The following MADD variants were observed in gnomAD, a reference collection of about 807,000 sequenced individuals.
The protein encoded by MADD is MAP kinase-activating death domain protein.
A neutral mutation model predicts 176.7 loss-of-function variants in MADD; 109 were observed. The ratio of observed to expected loss-of-function variants is 0.62; its 90% CI spans 0.53 to 0.72. MADD has a LOEUF of 0.72. Among genes scored for constraint, MADD ranks in the 30% least tolerant of loss-of-function variants. The pLI is 0.00. For missense variants in MADD, 1,914 were observed against 2,045.5 expected (o/e 0.94, Z 1.24); for synonymous variants, 771 against 771.3 (o/e 1.00, Z 0.01).
chr11:47,294,890 A>G (rs1249373739), intron 20 of MADD, among the ~76,000 whole-genome samples: 3 of 152,184 alleles, frequency 2.0e-5, no homozygotes, highest in African/African-American at 7.2e-5. Context: ...AAAAACTGAA[A>G]GGAAATATAC....
rs1467402510 is a variant in MADD at position 47,289,834 on chromosome 11, G to A, written c.2757-33G>A. The A allele has an allele frequency of 1.9e-6, 3 of 1,609,514 alleles. No individual in the cohort carries two copies. In the East Asian group the frequency reaches 6.7e-5, roughly 36 times the overall value. ...GTGGGGGGTGCTCTGCAAAGGAGCTGATGACCACAGAAGCGGTGTGTGGAC... is the reference window on the plus strand; with the variant it reads ...GTGGGGGGTGCTCTGCAAAGGAGCTAATGACCACAGAAGCGGTGTGTGGAC... On this transcript the variant is annotated intron_variant, in intron 16 of 32. Transcript: ENST00000402192.
chr11:47,283,443 G>A (rs549610645), intron 10 of MADD, among the ~76,000 whole-genome samples: 2 of 151,462 alleles, frequency 1.3e-5, no homozygotes, highest in East Asian at 2.0e-4. Flanking sequence ...GCTCTGTCAC[G>A]CGGTCTGGAG....
rs1214211670 is a variant in MADD, at chr11:47,328,998, G to T, written c.4660-48G>T. On this transcript the variant is annotated intron_variant, in intron 32 of 32. Transcript: ENST00000402192. ...CATTGGCAGATCCTTCACATATGGA[G>T]ATGGAGGAGTCTCAGTATCGTGATC... 9.1e-6 allele frequency: 13 copies of T among 1,431,012 alleles called. 1 individual carries two copies. The South Asian group carries it at 1.5e-4, about 16-fold the overall frequency. The allele number at this position is 1,431,012 out of a possible 1,614,324, so 88.6% of individuals were successfully genotyped here. A position where few individuals can be genotyped will look rare whatever the true frequency, so the allele number is the denominator to read the frequency against.
In MADD at chr11:47,308,514, C is replaced by G. The variant is rs962982877; in HGVS notation, c.3643-77C>G. The G allele has an allele frequency of 7.0e-6, 7 of 1,003,092 alleles. No individual in the cohort carries two copies. In the African/African-American group the frequency reaches 1.1e-4, roughly 16 times the overall value. 62.1% of individuals were successfully genotyped at this position (1,003,092 alleles called of 1,614,324 possible). On this transcript the variant is annotated intron_variant, in intron 22 of 32. Transcript: ENST00000402192. ...TGGATGGTGACTGGTGTGAGAGCCT[C>G]TTAGTGAAGTGCGTGGTTTCCTTTG...
chr11:47,324,442 T>C, intron 29 of MADD, 29 bp from the exon 33 acceptor site: 1 of 1,603,824 alleles, frequency 6.2e-7, no homozygotes, highest in Non-Finnish European at 8.5e-7. Flanking sequence ...ACCTCACCAG[T>C]GAGCTGATAG....
chr11:47,289,437 C>T (rs774760509), exon 16 of MADD: 26 of 1,614,066 alleles, frequency 1.6e-5, no homozygotes, highest in Non-Finnish European at 2.0e-5. Flanking sequence ...TCATTAAACA[C>T]AGCCCAACAG....
intron 30 of MADD, 140 bp from the exon 34 acceptor site, chr11:47,326,404 T>C (rs916442349): frequency 2.2e-5 from 9 of 409,202 alleles, no homozygotes; most frequent in Non-Finnish European, 3.3e-5. Flanking sequence ...TGGGGACCCC[T>C]GGGGCACTGT....
At chr11:47,313,219 A>C (rs1317176691) in intron 26 of MADD, among the ~76,000 whole-genome samples, 1 of 152,244 alleles carries the variant, frequency 6.6e-6, no homozygotes, top group Non-Finnish European at 1.5e-5. Context: ...GGTGATATTA[A>C]TGAATGTGAT....
intron 7 of MADD, among the ~76,000 whole-genome samples, chr11:47,279,698 G>A (rs1171530250): frequency 6.6e-6 from 1 of 151,840 alleles, no homozygotes; most frequent in Non-Finnish European, 1.5e-5. Flanking sequence ...AGTCTTGTTA[G>A]GTGGAAGTTA....
chr11:47,305,937 C>T (rs2082286176), intron 22 of MADD, among the ~76,000 whole-genome samples: 1 of 152,188 alleles, frequency 6.6e-6, no homozygotes, highest in Non-Finnish European at 1.5e-5. Flanking sequence ...GGACAATGTG[C>T]TGCTTTAGCA....
At chr11:47,290,756 A>G in exon 19 of MADD, 4 of 1,613,952 alleles carry the variant, frequency 2.5e-6, no homozygotes, top group Non-Finnish European at 2.5e-6. Context: ...TGCCACAGGA[A>G]AGGGTCCTAA....
Position 47,279,499 on chromosome 11 carries a change from C to G in MADD, c.1290+420C>G, listed in dbSNP as rs565010723. 1.6e-3 allele frequency among the ~76,000 whole-genome samples: 244 copies of G among 151,626 alleles called. 1 individual carries two copies. The highest frequency in any genetic ancestry group is 5.8e-3 in the African/African-American group (240 of 41,362). On this transcript the variant is annotated intron_variant, in intron 7 of 32. Coordinates refer to ENST00000402192, the Ensembl canonical transcript of MADD. ...TTCTGAGTTCACGCCATTCTTCTGC[C>G]TCTCCAGGAGCTGGGACTATAGGCG...
chr11:47,282,469 G>A, exon 9 of MADD: 1 of 1,614,212 alleles, frequency 6.2e-7, no homozygotes, highest in South Asian at 1.1e-5. Context: ...TCCTCGGCCT[G>A]TGGTAGCTTT....
rs769960449 is a variant in MADD at position 47,324,452 on chromosome 11, G to GC, written c.4436-14dup. 6.0e-5 allele frequency: 97 copies of GC among 1,606,664 alleles called. No homozygotes were observed. Among genetic ancestry groups the GC allele is most frequent in the Non-Finnish European group, 7.9e-5 (93 of 1,173,450 alleles). On this transcript the variant is annotated intron_variant, in intron 29 of 32. Coordinates refer to ENST00000402192, the Ensembl canonical transcript of MADD. ...TCCCCACCTCACCAGTGAGCTGATA[G>GC]CCCCCTCCCTCACCACAGGACCTGA...
intron 22 of MADD, among the ~76,000 whole-genome samples, chr11:47,299,120 C>T (rs2075516071): frequency 1.3e-5 from 2 of 152,016 alleles, no homozygotes; most frequent in Admixed American, 1.3e-4. Context: ...TAGTGTGATT[C>T]CTTTTTGTCC....
At chr11:47,300,614 C>T (rs914441131) in intron 22 of MADD, among the ~76,000 whole-genome samples, 6 of 152,122 alleles carry the variant, frequency 3.9e-5, no homozygotes, top group African/African-American at 1.4e-4. Flanking sequence ...TCTCATACCT[C>T]AGCCTCTTGA....
At chr11:47,297,473 G>A (rs2073593144) in intron 22 of MADD, among the ~76,000 whole-genome samples, 3 of 149,738 alleles carry the variant, frequency 2.0e-5, no homozygotes, top group Admixed American at 1.3e-4. Context: ...TTGAGATGGA[G>A]TCTCGCTGTG....
intron 17 of MADD, 34 bp downstream of exon 18, chr11:47,290,087 G>C (rs766580360): frequency 1.2e-6 from 2 of 1,612,608 alleles, no homozygotes; most frequent in Non-Finnish European, 8.5e-7. Flanking sequence ...GGAGTAACTG[G>C]AGAGAGGGAT....
chr11:47,297,029 C>G (rs1193665673), intron 22 of MADD, among the ~76,000 whole-genome samples: 1 of 152,082 alleles, frequency 6.6e-6, no homozygotes, highest in Non-Finnish European at 1.5e-5. Context: ...CTGCCTTGGC[C>G]TCTTAAAGTG....
Sources: gnomAD v4.1 joint callset for allele counts (sites outside exome capture counted in the v4.1 genomes callset) on GRCh38, gnomAD v4.1.1 for gene constraint, MANE v1.5 for transcripts, NCBI Gene and HGNC (gene_info 2026-07-23, HGNC 2026-07-21) for gene names.